The following BAIAP2 variants were observed in gnomAD, a reference collection of about 807,000 sequenced individuals.
BAIAP2 encodes the protein BAR/IMD domain containing adaptor protein 2, also known as BAR/IMD domain-containing adapter protein 2.
In BAIAP2, 18 loss-of-function variants were observed where a neutral mutation model predicts 63.0. The ratio of observed to expected loss-of-function variants is 0.29; its 90% CI spans 0.20 to 0.42. The LOEUF (loss-of-function observed/expected upper bound fraction) is 0.42, where lower values mean the gene tolerates loss of function less well. Ranked by LOEUF, BAIAP2 falls within the 10% of genes least tolerant of loss-of-function variation. BAIAP2 has a pLI of 1.00. For synonymous variants in BAIAP2, 386 were observed against 307.6 expected (o/e 1.25, Z -2.67); for missense variants, 610 against 734.3 (o/e 0.83, Z 1.96).
rs749724228 is a variant in BAIAP2 at position 81,069,802 on chromosome 17, C to T, written c.217+11835C>T. Among the ~76,000 whole-genome samples, 24 of 152,286 alleles carry T rather than the reference C, an allele frequency of 1.6e-4. No homozygotes were observed. The South Asian group carries it at 2.5e-3, about 16-fold the overall frequency. ...CTTCCTCGGTGGACACCTCTGGTCTCGCCGGTCACGTGGGAGCCATGCCCA... is the reference window on the plus strand; with the variant it reads ...CTTCCTCGGTGGACACCTCTGGTCTTGCCGGTCACGTGGGAGCCATGCCCA... On this transcript the variant is annotated intron_variant, in intron 3 of 13. Coordinates refer to ENST00000428708, the MANE Select transcript of BAIAP2 (RefSeq NM_001144888.2).
chr17:81,044,991 A>G (rs1449379344), intron 1 of BAIAP2, among the ~76,000 whole-genome samples: 3 of 152,204 alleles, frequency 2.0e-5, no homozygotes, highest in South Asian at 2.1e-4. Context: ...CTCTGTCCCC[A>G]TTGAAGCTGG....
chr17:81,055,655 T>A (rs545680234), intron 2 of BAIAP2, among the ~76,000 whole-genome samples: 151 of 150,250 alleles, frequency 1.0e-3, no homozygotes, highest in African/African-American at 3.3e-3. Flanking sequence ...AAACTCTGCC[T>A]CCCGGGTTCA....
rs372073730 is a variant in BAIAP2 at position 81,045,991 on chromosome 17, G to A, written c.55-7677G>A. 1.1e-4 allele frequency among the ~76,000 whole-genome samples: 17 copies of A among 152,196 alleles called. No individual in the cohort carries two copies. The East Asian group carries it at 1.7e-3, about 16-fold the overall frequency. ...AGCCCTCTGCGGGGTCTCATGGCCTGGGGGGGCTCATGGTGGGGGCCCCTG... is the reference window on the plus strand; with the variant it reads ...AGCCCTCTGCGGGGTCTCATGGCCTAGGGGGGCTCATGGTGGGGGCCCCTG... On this transcript the variant is annotated intron_variant, in intron 1 of 13. Transcript: ENST00000428708.
At chr17:81,089,642 G>GA (rs2056368068) in intron 6 of BAIAP2, among the ~76,000 whole-genome samples, 1 of 151,970 alleles carries the variant, frequency 6.6e-6, no homozygotes, top group African/African-American at 2.4e-5. Flanking sequence ...CGGAGGGGGA[G>GA]AGGGAGGGGG....
intron 13 of BAIAP2, among the ~76,000 whole-genome samples, chr17:81,114,218 C>CCTGCTTT (rs2060255481): frequency 1.3e-5 from 2 of 150,622 alleles, no homozygotes; most frequent in South Asian, 4.2e-4. Flanking sequence ...AGTGGTTCCT[C>CCTGCTTT]CTGCTTTGGC....
intron 1 of BAIAP2, among the ~76,000 whole-genome samples, chr17:81,039,020 G>C (rs1047995268): frequency 1.3e-5 from 2 of 152,262 alleles, no homozygotes; most frequent in African/African-American, 2.4e-5. Flanking sequence ...AGTGCTTTGT[G>C]TTTAAGGATA....
rs780682682 is a variant in BAIAP2 at position 81,108,502 on chromosome 17, A to G, written c.1528A>G (p.Met510Val). 11 of 1,613,738 alleles carry G rather than the reference A, an allele frequency of 6.8e-6. No homozygotes were observed. In the Admixed American group the frequency reaches 1.5e-4, roughly 22 times the overall value. The change falls in exon 13 of 14, where the codon ATG (methionine) becomes GTG (valine). Residue 510 changes from methionine to valine, a missense_variant. Physicochemically the swap from Met to Val is conservative, Grantham distance 21 (BLOSUM62 1). Around this residue, in one of 5 missense-constraint regions of BAIAP2, gnomAD observed 114 missense variants for 98.2 expected, o/e 1.16. Coordinates refer to ENST00000428708, the MANE Select transcript of BAIAP2 (RefSeq NM_001144888.2). Reference sequence around the variant, plus strand: ...CCTGGATGACTATGGAGCGCGGTCCATGAGCAGGTAAGGGGACTTTCAGAC... The same window carrying G: ...CCTGGATGACTATGGAGCGCGGTCCGTGAGCAGGTAAGGGGACTTTCAGAC... ...QGLDDYGARS[M>V]SRNPFAHVQL...
chr17:81,085,565 C>T (rs112938004), intron 4 of BAIAP2, 89 bp from the exon 5 acceptor site: 25 of 1,098,070 alleles, frequency 2.3e-5, no homozygotes, highest in African/African-American at 1.1e-4. Flanking sequence ...CCCGGTGTCT[C>T]GTGCCCATCC....
intron 1 of BAIAP2, among the ~76,000 whole-genome samples, chr17:81,049,572 G>A (rs1318678585): frequency 2.6e-5 from 4 of 152,202 alleles, no homozygotes; most frequent in African/African-American, 7.2e-5. Context: ...CTGTCAGGGC[G>A]TCTGGGCGTC....
chr17:81,108,930 C>T (rs571420287), intron 13 of BAIAP2: 7 of 1,539,692 alleles, frequency 4.5e-6, no homozygotes, highest in Admixed American at 2.0e-5. Flanking sequence ...TGGGCAGCGT[C>T]GTGCAGCCAG....
At chr17:81,099,872 G>T (rs1431299462) in intron 6 of BAIAP2, 56 bp from the exon 7 acceptor site, 2 of 1,590,994 alleles carry the variant, frequency 1.3e-6, no homozygotes, top group African/African-American at 2.7e-5. Flanking sequence ...CCCCAAACCG[G>T]TCCTGACAGG....
chr17:81,057,398 C>G (rs532855435), intron 2 of BAIAP2: 2 of 153,312 alleles, frequency 1.3e-5, no homozygotes, highest in East Asian at 3.8e-4. Context: ...CTCCTTTGAT[C>G]AGCTGTGACG....
intron 11 of BAIAP2, 77 bp from the exon 12 acceptor site, chr17:81,106,668 G>C: frequency 6.4e-6 from 10 of 1,573,288 alleles, no homozygotes; most frequent in Non-Finnish European, 8.7e-6. Context: ...AGGGCGGGCA[G>C]TCCAGGGAGC....
chr17:81,093,223 C>T (rs560120440), intron 6 of BAIAP2, among the ~76,000 whole-genome samples: 16 of 151,838 alleles, frequency 1.1e-4, no homozygotes, highest in African/African-American at 2.7e-4. Flanking sequence ...GTGGGGCAGC[C>T]GGGCCCCTGC....
Position 81,104,026 on chromosome 17 carries a change from G to A in BAIAP2, c.984G>A (p.Gln328=). 6.2e-7 allele frequency: 1 copy of A among 1,613,278 alleles called. No individual in the cohort carries two copies. The highest frequency in any genetic ancestry group is 8.5e-7 in the Non-Finnish European group (1 of 1,179,998). Residue 328 remains glutamine, a synonymous_variant, in exon 9 of 14, where the codon CAG becomes CAA. Coordinates refer to ENST00000428708, the MANE Select transcript of BAIAP2 (RefSeq NM_001144888.2). The part of the protein sequence containing the change: ...AAQPKSLSPP[Q]SQSKLSDSYS... ...AGCCCAAATCCCTGTCTCCTCCGCAGTCTCAGAGCAAGCTCAGCGACTCCT... is the reference window on the plus strand; with the variant it reads ...AGCCCAAATCCCTGTCTCCTCCGCAATCTCAGAGCAAGCTCAGCGACTCCT...
intron 6 of BAIAP2, among the ~76,000 whole-genome samples, chr17:81,088,791 C>T (rs1381210322): frequency 6.6e-6 from 1 of 152,260 alleles, no homozygotes; most frequent in Non-Finnish European, 1.5e-5. Flanking sequence ...GGGCCGTCTC[C>T]CTGGCACGGC....
intron 13 of BAIAP2, among the ~76,000 whole-genome samples, chr17:81,115,386 T>C (rs1044771900): frequency 1.6e-4 from 24 of 152,184 alleles, no homozygotes; most frequent in Admixed American, 1.6e-3. Context: ...GCCACCAAAC[T>C]GGTGTGTGCC....
At chr17:81,067,730 C>T (rs1004897415) in intron 3 of BAIAP2, among the ~76,000 whole-genome samples, 3 of 152,232 alleles carry the variant, frequency 2.0e-5, no homozygotes, top group Non-Finnish European at 2.9e-5. Context: ...GGCCCAGCAT[C>T]GCAGCGGGGA....
chr17:81,056,041 C>G (rs2049500450), intron 2 of BAIAP2, among the ~76,000 whole-genome samples: 1 of 152,160 alleles, frequency 6.6e-6, no homozygotes, highest in South Asian at 2.1e-4. Flanking sequence ...CTATGGTGCA[C>G]CCCAGTTGTT....
Sources: gnomAD v4.1 joint callset for allele counts (sites outside exome capture counted in the v4.1 genomes callset) on GRCh38, gnomAD v4.1.1 for gene constraint, gnomAD v4.1.1 regional missense constraint, MANE v1.5 for transcripts, NCBI Gene and HGNC (gene_info 2026-07-23, HGNC 2026-07-21) for gene names.